PBX1: variants seen among roughly 807,000 people sequenced by gnomAD.
PBX1 encodes pre-B-cell leukemia transcription factor 1.
Under a neutral mutation model 53.4 loss-of-function variants are expected in PBX1, and 6 were observed. The observed-to-expected ratio is 0.11, with a 90% confidence interval of 0.06 to 0.22. The LOEUF is 0.22. PBX1 is among the 10% of genes least tolerant of loss of function. PBX1 has a pLI of 1.00. For synonymous variants in PBX1, 204 were observed against 212.3 expected (o/e 0.96, Z 0.34); for missense variants, 251 against 551.4 (o/e 0.46, Z 5.46).
rs141842411 is a variant in PBX1 at position 164,627,341 on chromosome 1, A to G, written c.265+64030A>G. On this transcript the variant is annotated intron_variant, in intron 2 of 8. Transcript: ENST00000420696. ...ACAAAATGGAAGCCATTGAACTTCC[A>G]TTATTATAAATGCTCTATTGATTTT... Among the ~76,000 whole-genome samples the G allele has an allele frequency of 7.0e-3, 1,070 of 152,276 alleles. 17 individuals carry two copies. The highest frequency in any genetic ancestry group is 0.025 in the African/African-American group (1,025 of 41,562).
chr1:164,622,764 TCA>T (rs139737020), intron 2 of PBX1, among the ~76,000 whole-genome samples: 57 of 149,294 alleles, frequency 3.8e-4, no homozygotes, highest in African/African-American at 1.3e-3. Context: ...TGGTGTGTGC[TCA>T]CACACACACA....
chr1:164,783,214 T>A (rs1668015194), intron 2 of PBX1, among the ~76,000 whole-genome samples: 1 of 152,116 alleles, frequency 6.6e-6, no homozygotes, highest in South Asian at 2.1e-4. Context: ...AGCTGCAGGA[T>A]CCTTAATGTA....
intron 2 of PBX1, among the ~76,000 whole-genome samples, chr1:164,634,007 G>A (rs1386780441): frequency 3.3e-5 from 5 of 152,150 alleles, no homozygotes; most frequent in African/African-American, 9.7e-5. Context: ...TAACAGTCCC[G>A]GGTGGCGTTA....
At chr1:164,756,191 A>G (rs1337751715) in intron 2 of PBX1, among the ~76,000 whole-genome samples, 1 of 152,020 alleles carries the variant, frequency 6.6e-6, no homozygotes, top group Non-Finnish European at 1.5e-5. Flanking sequence ...TTGTCATATT[A>G]TATGAATAGC....
intron 2 of PBX1, among the ~76,000 whole-genome samples, chr1:164,589,258 T>C (rs2101764051): frequency 6.6e-6 from 1 of 152,134 alleles, no homozygotes; most frequent in Middle Eastern, 3.4e-3. Context: ...TTTGTTTAAG[T>C]TTCTGCAGGC....
At chr1:164,805,170 T>C (rs1356371409) in intron 4 of PBX1, among the ~76,000 whole-genome samples, 1 of 152,200 alleles carries the variant, frequency 6.6e-6, no homozygotes, top group African/African-American at 2.4e-5. Context: ...CCAAATTTCT[T>C]AAATTCAAAA....
intron 2 of PBX1, chr1:164,680,775 A>C (rs1661716152): frequency 6.6e-6 from 1 of 152,208 alleles, no homozygotes; most frequent in Non-Finnish European, 1.5e-5. Context: ...ATGTAGAATA[A>C]ATCTATTGCT....
At chr1:164,658,649 C>T (rs1271728315) in intron 2 of PBX1, among the ~76,000 whole-genome samples, 2 of 152,182 alleles carry the variant, frequency 1.3e-5, no homozygotes, top group South Asian at 2.1e-4. Context: ...TACATATCTA[C>T]ATATGAGGTT....
intron 2 of PBX1, among the ~76,000 whole-genome samples, chr1:164,586,668 C>A (rs1258641921): frequency 2.0e-5 from 3 of 152,150 alleles, no homozygotes; most frequent in South Asian, 2.1e-4. Context: ...CCTATACTGT[C>A]ACAATTGCTT....
chr1:164,754,076 A>T (rs1666371011), intron 2 of PBX1, among the ~76,000 whole-genome samples: 1 of 152,122 alleles, frequency 6.6e-6, no homozygotes, highest in Non-Finnish European at 1.5e-5. Context: ...GCAAAGGTGG[A>T]CTGAGCAGGT....
chr1:164,638,157 C>T (rs750276946), intron 2 of PBX1, among the ~76,000 whole-genome samples: 1 of 152,184 alleles, frequency 6.6e-6, no homozygotes, highest in Non-Finnish European at 1.5e-5. Flanking sequence ...GGCTGGTTGC[C>T]AAGCAGCGGA....
intron 2 of PBX1, among the ~76,000 whole-genome samples, chr1:164,742,670 A>G (rs1665675191): frequency 6.6e-6 from 1 of 152,236 alleles, no homozygotes; most frequent in Non-Finnish European, 1.5e-5. Context: ...CTACTTAAGG[A>G]AATTGCTATA....
chr1:164,699,162 CAA>C (rs1557950376), intron 2 of PBX1, among the ~76,000 whole-genome samples: 1 of 152,146 alleles, frequency 6.6e-6, no homozygotes, highest in African/African-American at 2.4e-5. Context: ...ACGTGGGTCA[CAA>C]AGAGGAGGCC....
intron 2 of PBX1, among the ~76,000 whole-genome samples, chr1:164,881,464 A>T (rs1203991592): frequency 6.6e-6 from 1 of 151,266 alleles, no homozygotes; most frequent in African/African-American, 2.4e-5. Context: ...AATAGAAAAG[A>T]GGAGAGAACA....
At chr1:164,836,181 G>A (rs1278729130) in intron 8 of PBX1, among the ~76,000 whole-genome samples, 8 of 152,088 alleles carry the variant, frequency 5.3e-5, no homozygotes, top group African/African-American at 7.2e-5. Context: ...TTGGATGCTC[G>A]ATCAGTCTCC....
intron 2 of PBX1, among the ~76,000 whole-genome samples, chr1:164,654,182 C>T (rs1481636595): frequency 1.3e-5 from 2 of 152,106 alleles, no homozygotes; most frequent in African/African-American, 4.8e-5. Flanking sequence ...ATATGAAAAA[C>T]TTTGTCACTC....
chr1:164,679,345 C>T (rs1247112756), intron 2 of PBX1, among the ~76,000 whole-genome samples: 1 of 152,070 alleles, frequency 6.6e-6, no homozygotes, highest in East Asian at 1.9e-4. Context: ...GTTACTGAGA[C>T]CATCGGCTGC....
chr1:164,608,200 ATACT>A (rs1656685367), intron 2 of PBX1, among the ~76,000 whole-genome samples: 2 of 152,230 alleles, frequency 1.3e-5, no homozygotes, highest in Non-Finnish European at 2.9e-5. Context: ...TATTCAACAG[ATACT>A]TACTGAGTGC....
chr1:164,689,895 C>T (rs1317929193), intron 2 of PBX1, among the ~76,000 whole-genome samples: 2 of 152,096 alleles, frequency 1.3e-5, no homozygotes, highest in Non-Finnish European at 2.9e-5. Flanking sequence ...GTTCCCCTCT[C>T]ACTGGTGATA....
Sources: gnomAD v4.1 joint callset for allele counts (sites outside exome capture counted in the v4.1 genomes callset) on GRCh38, gnomAD v4.1.1 for gene constraint, MANE v1.5 for transcripts, NCBI Gene and HGNC (gene_info 2026-07-23, HGNC 2026-07-21) for gene names.